CADPS: variants seen among roughly 807,000 people sequenced by gnomAD.
The protein encoded by CADPS is calcium-dependent secretion activator 1.
Under a neutral mutation model 167.3 loss-of-function variants are expected in CADPS, and 57 were observed. The ratio of observed to expected loss-of-function variants is 0.34; its 90% CI spans 0.28 to 0.42. The LOEUF (loss-of-function observed/expected upper bound fraction) is 0.42, where lower values mean the gene tolerates loss of function less well. CADPS is among the 20% of genes least tolerant of loss of function. The pLI is 1.00. For synonymous variants in CADPS, 676 were observed against 635.3 expected (o/e 1.06, Z -0.96); for missense variants, 1,414 against 1,738.1 (o/e 0.81, Z 3.32).
intron 4 of CADPS, among the ~76,000 whole-genome samples, chr3:62,657,893 C>A (rs189569453): frequency 2.0e-5 from 3 of 152,080 alleles, no homozygotes; most frequent in Non-Finnish European, 2.9e-5. Context: ...AGGGTCCCTA[C>A]AATATCTTTT....
intron 22 of CADPS, among the ~76,000 whole-genome samples, chr3:62,481,039 C>T (rs1170581896): frequency 2.0e-5 from 3 of 152,132 alleles, no homozygotes; most frequent in African/African-American, 4.8e-5. Flanking sequence ...GATATGGCTA[C>T]CACAAATTTA....
intron 18 of CADPS, among the ~76,000 whole-genome samples, chr3:62,493,977 A>G (rs2064185688): frequency 6.6e-6 from 1 of 152,260 alleles, no homozygotes; most frequent in African/African-American, 2.4e-5. Context: ...TGTAATAATT[A>G]TAGATAAGAT....
At chr3:62,740,326 C>T (rs576119899) in intron 3 of CADPS, among the ~76,000 whole-genome samples, 89 of 152,312 alleles carry the variant, frequency 5.8e-4, no homozygotes, top group African/African-American at 8.9e-4. Context: ...AGTCTGCTGA[C>T]GGCCCACTCA....
chr3:62,499,143 TC>T lies in CADPS; in HGVS notation c.2706+18del, dbSNP rs1413141975. The T allele has an allele frequency of 1.3e-6, 2 of 1,526,502 alleles. No homozygotes were observed. Among genetic ancestry groups the T allele is most frequent in the Non-Finnish European group, 1.8e-6 (2 of 1,100,346 alleles). The allele number at this position is 1,526,502 out of a possible 1,614,324, so 94.6% of individuals were successfully genotyped here. A position where few individuals can be genotyped will look rare whatever the true frequency, so the allele number is the denominator to read the frequency against. On this transcript the variant is annotated intron_variant, in intron 18 of 29. Coordinates refer to ENST00000383710, the MANE Select transcript of CADPS (RefSeq NM_003716.4). Reference sequence around the variant, plus strand: ...CAGCTAAGGGACAGTAAGATACACTTCCCACCAAGCCTGCTCACCTCTGCGT... The same window carrying T: ...CAGCTAAGGGACAGTAAGATACACTTCCACCAAGCCTGCTCACCTCTGCGT...
chr3:62,790,256 A>T (rs192882741), intron 1 of CADPS, among the ~76,000 whole-genome samples: 17 of 152,294 alleles, frequency 1.1e-4, no homozygotes, highest in African/African-American at 4.1e-4. Flanking sequence ...ACTTTATAGT[A>T]GTATCTCTGA....
intron 28 of CADPS, among the ~76,000 whole-genome samples, chr3:62,427,466 C>T (rs1397216149): frequency 6.6e-6 from 1 of 152,110 alleles, no homozygotes; most frequent in Non-Finnish European, 1.5e-5. Flanking sequence ...TTCAATCTCT[C>T]TACACTATTG....
chr3:62,797,769 C>A (rs1395312099), intron 1 of CADPS, among the ~76,000 whole-genome samples: 1 of 151,900 alleles, frequency 6.6e-6, no homozygotes, highest in East Asian at 1.9e-4. Context: ...CCCCAGGACA[C>A]AAGCTTACCT....
chr3:62,697,340 C>A (rs1177789849), intron 3 of CADPS, among the ~76,000 whole-genome samples: 4 of 152,074 alleles, frequency 2.6e-5, no homozygotes, highest in African/African-American at 9.7e-5. Flanking sequence ...TTAGCTCCCA[C>A]TTATGAGTGA....
rs372543900 is a variant in CADPS at position 62,410,501 on chromosome 3, A to G, written c.3778-7316T>C. Among the ~76,000 whole-genome samples, 3 of 152,234 alleles carry G rather than the reference A, an allele frequency of 2.0e-5. No individual in the cohort carries two copies. In the East Asian group the frequency reaches 5.8e-4, roughly 29 times the overall value. ...TCTAGCAGCTAGCAAGAGATGGAAC[A>G]TCGACTTAAAATTCTGAGAGGCAGT... On this transcript the variant is annotated intron_variant, in intron 28 of 29. Coordinates refer to ENST00000383710, the MANE Select transcript of CADPS (RefSeq NM_003716.4).
chr3:62,690,930 C>T (rs1034782790), intron 3 of CADPS, among the ~76,000 whole-genome samples: 1 of 152,016 alleles, frequency 6.6e-6, no homozygotes, highest in African/African-American at 2.4e-5. Context: ...GCAAACAAGA[C>T]ATTCCTTAGT....
At chr3:62,555,526 T>TG (rs1165372676) in intron 10 of CADPS, among the ~76,000 whole-genome samples, 1 of 152,224 alleles carries the variant, frequency 6.6e-6, no homozygotes, top group Non-Finnish European at 1.5e-5. Context: ...CAATAGCCTT[T>TG]GATATCTCAG....
At chr3:62,494,142 T>C (rs2064218832) in intron 18 of CADPS, among the ~76,000 whole-genome samples, 1 of 152,012 alleles carries the variant, frequency 6.6e-6, no homozygotes, top group Admixed American at 6.6e-5. Flanking sequence ...AGAGAAAGAG[T>C]CACATCTGCA....
At chr3:62,840,337 C>A (rs923685014) in intron 1 of CADPS, among the ~76,000 whole-genome samples, 3 of 152,072 alleles carry the variant, frequency 2.0e-5, no homozygotes, top group Admixed American at 2.0e-4. Context: ...TATTAAACGG[C>A]ATTAAATTCA....
intron 28 of CADPS, among the ~76,000 whole-genome samples, chr3:62,422,129 T>C (rs1019520545): frequency 2.6e-5 from 4 of 152,186 alleles, no homozygotes; most frequent in African/African-American, 7.2e-5. Flanking sequence ...TCTAATTCTG[T>C]GTAAGCCAAG....
chr3:62,592,610 G>A, intron 7 of CADPS, 27 bp downstream of exon 7: 4 of 1,530,960 alleles, frequency 2.6e-6, no homozygotes, highest in South Asian at 1.1e-5. Flanking sequence ...TCTCTGTGGA[G>A]TTCCCCTTGT....
chr3:62,809,405 T>A (rs1263762966), intron 1 of CADPS, among the ~76,000 whole-genome samples: 1 of 152,150 alleles, frequency 6.6e-6, no homozygotes, highest in Admixed American at 6.6e-5. Flanking sequence ...AGGCCTTCTT[T>A]CTCTTCCTCA....
intron 6 of CADPS, among the ~76,000 whole-genome samples, chr3:62,628,897 T>C (rs930506592): frequency 4.6e-5 from 7 of 152,188 alleles, no homozygotes; most frequent in African/African-American, 1.7e-4. Context: ...AGTGCTGGGA[T>C]TACAGTCATG....
At chr3:62,697,051 T>C (rs2367321) in intron 3 of CADPS, among the ~76,000 whole-genome samples, 70,987 of 151,942 alleles carry the variant, frequency 0.47, 17,732 homozygotes, top group East Asian at 0.85. Context: ...AAGACTTGAG[T>C]GCAAATCTTG....
chr3:62,656,697 G>T (rs1219311918), intron 4 of CADPS, among the ~76,000 whole-genome samples: 2 of 152,184 alleles, frequency 1.3e-5, no homozygotes, highest in African/African-American at 4.8e-5. Flanking sequence ...GAGTAATGAG[G>T]ATGGGGTCAG....
Sources: allele counts gnomAD v4.1 joint callset (sites outside exome capture counted in the v4.1 genomes callset), GRCh38; gene constraint gnomAD v4.1.1; transcripts MANE v1.5; gene names NCBI Gene and HGNC (gene_info 2026-07-23, HGNC 2026-07-21).